Variants in VRK1 observed in about 807,000 individuals in gnomAD.
The protein encoded by VRK1 is serine/threonine-protein kinase VRK1.
Under a neutral mutation model 57.1 loss-of-function variants are expected in VRK1, and 33 were observed. The ratio of observed to expected loss-of-function variants is 0.58; its 90% CI spans 0.44 to 0.77. The LOEUF is 0.77. Ranked by LOEUF, VRK1 falls within the 30% of genes least tolerant of loss-of-function variation. The probability of loss-of-function intolerance (pLI) is 0.00; values close to 1 mark genes in which losing one functional copy is unlikely to be tolerated. For synonymous variants in VRK1, 137 were observed against 147.8 expected (o/e 0.93, Z 0.53); for missense variants, 413 against 477.3 (o/e 0.87, Z 1.25).
intron 1 of VRK1, among the ~76,000 whole-genome samples, chr14:96,809,538 A>G (rs541729356): frequency 4.8e-5 from 7 of 145,762 alleles, no homozygotes; most frequent in Admixed American, 1.4e-4. Flanking sequence ...GTCAAAATGT[A>G]TATGCATCTA....
chr14:96,859,985 T>C (rs539880397), intron 10 of VRK1, among the ~76,000 whole-genome samples: 1 of 152,146 alleles, frequency 6.6e-6, no homozygotes, highest in East Asian at 1.9e-4. Context: ...TCTTGACTAG[T>C]AGGATTTCTT....
intron 4 of VRK1, 67 bp from the exon 5 acceptor site, chr14:96,847,190 T>A: frequency 1.5e-6 from 2 of 1,361,434 alleles, no homozygotes; most frequent in Non-Finnish European, 2.1e-6. Context: ...TTGCTCTTAA[T>A]GATTTTTTAA....
intron 1 of VRK1, among the ~76,000 whole-genome samples, chr14:96,800,839 T>C (rs1885630675): frequency 6.6e-6 from 1 of 152,010 alleles, no homozygotes; most frequent in Admixed American, 6.6e-5. Flanking sequence ...TGGGAAGATA[T>C]ACTAGATGAA....
At chr14:96,812,682 T>G (rs1879445485) in intron 1 of VRK1, among the ~76,000 whole-genome samples, 1 of 152,228 alleles carries the variant, frequency 6.6e-6, no homozygotes, top group Admixed American at 6.5e-5. Context: ...TTCCATTTTG[T>G]TCAGAGACTG....
At chr14:96,850,612 T>C (rs1486245306) in intron 5 of VRK1, among the ~76,000 whole-genome samples, 2 of 152,230 alleles carry the variant, frequency 1.3e-5, no homozygotes, top group Non-Finnish European at 2.9e-5. Context: ...AAGACCTATG[T>C]AACAGAATTT....
intron 6 of VRK1, 37 bp downstream of exon 6, chr14:96,852,976 G>A (rs1379550219): frequency 4.2e-5 from 68 of 1,609,650 alleles, no homozygotes; most frequent in Non-Finnish European, 5.6e-5. Context: ...TTAAAAAATT[G>A]TTTTGAGTAC....
intron 1 of VRK1, among the ~76,000 whole-genome samples, chr14:96,808,009 C>CCG (rs71103551): frequency 0.09 from 10,997 of 122,264 alleles, 672 homozygotes; most frequent in Middle Eastern, 0.15. Flanking sequence ...CTCCCTCTCT[C>CCG]TCTCCCTCTG....
At chr14:96,835,923 C>A (rs1887193527) in intron 2 of VRK1, among the ~76,000 whole-genome samples, 1 of 152,140 alleles carries the variant, frequency 6.6e-6, no homozygotes, top group South Asian at 2.1e-4. Context: ...ACCAAGTATA[C>A]TGATCAGATA....
At chr14:96,810,054 G>A (rs1314253739) in intron 1 of VRK1, among the ~76,000 whole-genome samples, 5 of 152,114 alleles carry the variant, frequency 3.3e-5, no homozygotes, top group East Asian at 1.9e-4. Context: ...TGTGGTTTTC[G>A]TGGGCATTTC....
At position 96,854,062 on chromosome 14, in the gene VRK1, G is replaced by A. The variant is rs140803853; in HGVS notation, c.576+896G>A. The stretch of plus-strand genomic sequence containing the variant: ...CCTTCCTCCAATGTCAGTTATGGTG[G>A]ATAGAAGGGAATCTATATAAGTATA... On this transcript the variant is annotated intron_variant, in intron 7 of 12. Coordinates refer to ENST00000216639, the MANE Select transcript of VRK1 (RefSeq NM_003384.3). Among the ~76,000 whole-genome samples, 112 of 152,128 alleles carry A rather than the reference G, an allele frequency of 7.4e-4. 2 individuals carry two copies. The East Asian group carries it at 0.019, about 26-fold the overall frequency.
At position 96,880,283 on chromosome 14, in the gene VRK1, G is replaced by A. The variant is rs77987559; in HGVS notation, c.1160-894G>A. 9.7e-3 allele frequency among the ~76,000 whole-genome samples: 1,474 copies of A among 152,250 alleles called. 21 individuals carry two copies. The highest frequency in any genetic ancestry group is 0.031 in the African/African-American group (1,280 of 41,536). ...TTGTTCCACATTCAAAGAATGTTTC[G>A]TACTTTTCAGAAAAGAAGTATTGAT... On this transcript the variant is annotated intron_variant, in intron 12 of 12. Coordinates refer to ENST00000216639, the MANE Select transcript of VRK1 (RefSeq NM_003384.3).
intron 1 of VRK1, among the ~76,000 whole-genome samples, chr14:96,824,183 G>T (rs577433297): frequency 6.6e-6 from 1 of 152,156 alleles, no homozygotes; most frequent in Non-Finnish European, 1.5e-5. Flanking sequence ...CTGTGGAAAT[G>T]TAGGTGGTCT....
In VRK1 at chr14:96,811,150, T is replaced by C. The variant is rs539757610; in HGVS notation, c.-6+13703T>C. On this transcript the variant is annotated intron_variant, in intron 1 of 12. Coordinates refer to ENST00000216639, the MANE Select transcript of VRK1 (RefSeq NM_003384.3). Reference sequence around the variant, plus strand: ...CTCACCATGTTGGCCAGGCTGGTCTTGAACTCCTGACCTCAAGTGATCCAC... The same window carrying C: ...CTCACCATGTTGGCCAGGCTGGTCTCGAACTCCTGACCTCAAGTGATCCAC... Among the ~76,000 whole-genome samples the C allele has an allele frequency of 9.9e-4, 151 of 152,014 alleles. 3 individuals carry two copies. Among genetic ancestry groups the C allele is most frequent in the South Asian group, 9.6e-3 (46 of 4,804 alleles).
chr14:96,809,125 C>G (rs986381589), intron 1 of VRK1, among the ~76,000 whole-genome samples: 3 of 151,782 alleles, frequency 2.0e-5, no homozygotes, highest in African/African-American at 7.3e-5. Context: ...ATTGACCAAA[C>G]CTACATGTGG....
intron 10 of VRK1, 116 bp from the exon 11 acceptor site, chr14:96,860,441 G>A (rs1595680554): frequency 7.4e-6 from 7 of 943,410 alleles, no homozygotes; most frequent in South Asian, 1.9e-5. Flanking sequence ...AAAAAAATAG[G>A]TATCTTAACA....
In VRK1 at chr14:96,815,215, A is replaced by G. The variant is rs368465106; in HGVS notation, c.-6+17768A>G. Among the ~76,000 whole-genome samples, 46 of 152,298 alleles carry G rather than the reference A, an allele frequency of 3.0e-4. No individual in the cohort carries two copies. In the South Asian group the frequency reaches 9.1e-3, roughly 30 times the overall value. ...TAAATTAAGTCTCATTGTAATTTTA[A>G]TTTGCATTTTATTAATGAAGCTGAG... On this transcript the variant is annotated intron_variant, in intron 1 of 12. Coordinates refer to ENST00000216639, the MANE Select transcript of VRK1 (RefSeq NM_003384.3).
intron 1 of VRK1, among the ~76,000 whole-genome samples, chr14:96,815,532 G>A (rs1301104490): frequency 6.6e-6 from 1 of 151,938 alleles, no homozygotes; most frequent in Non-Finnish European, 1.5e-5. Flanking sequence ...AACTTAAAGA[G>A]GAAAATATAT....
chr14:96,840,369 C>T (rs781323788), intron 3 of VRK1, among the ~76,000 whole-genome samples: 5 of 152,186 alleles, frequency 3.3e-5, no homozygotes, highest in East Asian at 3.9e-4. Context: ...GCTATTCCCT[C>T]GTGCAGGGAA....
At chr14:96,859,025 A>G (rs535824064) in intron 10 of VRK1, 1 of 152,210 alleles carries the variant, frequency 6.6e-6, no homozygotes, top group Admixed American at 6.5e-5. Context: ...GTCCACTTAT[A>G]TGGTATATAT....
Sources: allele counts gnomAD v4.1 joint callset (sites outside exome capture counted in the v4.1 genomes callset), GRCh38; gene constraint gnomAD v4.1.1; transcripts MANE v1.5; gene names NCBI Gene and HGNC (gene_info 2026-07-23, HGNC 2026-07-21).